Variants in RNF38 observed in about 807,000 individuals in gnomAD.
RNF38 encodes E3 ubiquitin-protein ligase RNF38.
RNF38 carries 15 observed loss-of-function variants against 67.2 expected under a neutral mutation model. That is an observed-to-expected ratio of 0.22 (90% CI 0.15 to 0.34). RNF38 has a LOEUF of 0.34. Ranked by LOEUF, RNF38 falls within the 10% of genes least tolerant of loss-of-function variation. The pLI is 1.00. For missense variants in RNF38, 524 were observed against 639.9 expected (o/e 0.82, Z 1.95); for synonymous variants, 220 against 218.8 (o/e 1.01, Z -0.05).
intron 1 of RNF38, among the ~76,000 whole-genome samples, chr9:36,450,570 A>G (rs1194471182): frequency 6.6e-6 from 1 of 152,160 alleles, no homozygotes; most frequent in Non-Finnish European, 1.5e-5. Context: ...AAAATATAGA[A>G]CTTGGTGAGT....
chr9:36,420,540 A>AAAAAAAAAAAAAAAAAAAAAAAAC (rs1838597433), intron 2 of RNF38, among the ~76,000 whole-genome samples: 1 of 150,106 alleles, frequency 6.7e-6, no homozygotes, highest in Non-Finnish European at 1.5e-5. Flanking sequence ...TCCAAAAAAA[A>AAAAAAAAAAAAAAAAAAAAAAAAC]AAAAAAAGAG....
At chr9:36,389,920 A>C (rs1445483864) in intron 2 of RNF38, among the ~76,000 whole-genome samples, 1 of 152,246 alleles carries the variant, frequency 6.6e-6, no homozygotes, top group African/African-American at 2.4e-5. Context: ...TTCTATGGGC[A>C]GATTCCAGTA....
chr9:36,403,688 G>C (rs760330416), upstream of RNF38, among the ~76,000 whole-genome samples: 1 of 152,188 alleles, frequency 6.6e-6, no homozygotes, highest in Non-Finnish European at 1.5e-5. Flanking sequence ...GGTTCTGGTA[G>C]TTATTCAATG....
intron 2 of RNF38, among the ~76,000 whole-genome samples, chr9:36,423,237 G>A (rs1039232438): frequency 3.9e-5 from 6 of 152,122 alleles, no homozygotes; most frequent in Non-Finnish European, 8.8e-5. Flanking sequence ...CATGTCTCTT[G>A]ATTGGTACAA....
chr9:36,397,657 A>G (rs988850753), intron 1 of RNF38, among the ~76,000 whole-genome samples: 2 of 152,208 alleles, frequency 1.3e-5, no homozygotes, highest in African/African-American at 4.8e-5. Flanking sequence ...ACAATCCCAT[A>G]AGGTGATGAA....
At position 36,445,275 on chromosome 9, in the gene RNF38, T is replaced by C. The variant is rs141898727; in HGVS notation, n.242-20592A>G. Among the ~76,000 whole-genome samples the C allele has an allele frequency of 2.9e-3, 439 of 152,288 alleles. 2 individuals carry two copies. Among genetic ancestry groups the C allele is most frequent in the African/African-American group, 9.2e-3 (382 of 41,564 alleles). ...ATCATGAAATGCTTTCTGGGAAAAT[T>C]TGAACGTAGCAGAGAAGTTGAACAT... On this transcript the variant is annotated intron_variant and non_coding_transcript_variant, in intron 1 of 3. Transcript: ENST00000488058.
Position 36,462,727 on chromosome 9 carries a change from A to T in RNF38, n.241+24581T>A, listed in dbSNP as rs566625807. Among the ~76,000 whole-genome samples the T allele has an allele frequency of 7.6e-4, 113 of 148,090 alleles. 2 individuals carry two copies. In the South Asian group the frequency reaches 0.023, roughly 30 times the overall value. On this transcript the variant is annotated intron_variant and non_coding_transcript_variant, in intron 1 of 3. Coordinates refer to the RNF38 transcript ENST00000488058. ...TCCTGCTCTGTCGCCCAGGCTGGAG[A>T]TCAGTGGCATGATCTCAGCTCACCA...
At chr9:36,402,433 C>G (rs142592306), upstream of RNF38, among the ~76,000 whole-genome samples, 1,020 of 151,408 alleles carry the variant, frequency 6.7e-3, 4 homozygotes, top group Non-Finnish European at 0.01. Flanking sequence ...GTATCCCTCA[C>G]AAATCGCAAT....
At chr9:36,404,663 T>C (rs1013941588), upstream of RNF38, among the ~76,000 whole-genome samples, 3 of 152,238 alleles carry the variant, frequency 2.0e-5, no homozygotes, top group African/African-American at 4.8e-5. Context: ...GGTTTGTTAA[T>C]ATAATTCAAT....
intron 4 of RNF38, among the ~76,000 whole-genome samples, chr9:36,363,944 C>A (rs1834746380): frequency 1.1e-5 from 1 of 89,232 alleles, no homozygotes; most frequent in Non-Finnish European, 2.9e-5. Context: ...AGCATTTCTC[C>A]TGCCTCAGAC....
intron 10 of RNF38, among the ~76,000 whole-genome samples, chr9:36,344,306 C>T (rs1000287714): frequency 5.9e-5 from 9 of 152,096 alleles, no homozygotes; most frequent in Admixed American, 3.3e-4. Flanking sequence ...TGAGCCACTG[C>T]GCCCGGCCTG....
intron 1 of RNF38, among the ~76,000 whole-genome samples, chr9:36,426,062 T>C (rs1161730033): frequency 6.6e-6 from 1 of 152,184 alleles, no homozygotes; most frequent in Non-Finnish European, 1.5e-5. Flanking sequence ...CTGAAGACTG[T>C]AAGTGAGGAT....
At chr9:36,345,400 G>GT (rs1304357003) in intron 9 of RNF38, among the ~76,000 whole-genome samples, 1 of 152,154 alleles carries the variant, frequency 6.6e-6, no homozygotes, top group Non-Finnish European at 1.5e-5. Flanking sequence ...AACAAAGTTA[G>GT]TAACTTTGAC....
intron 9 of RNF38, among the ~76,000 whole-genome samples, chr9:36,346,818 A>C (rs1833272514): frequency 6.6e-6 from 1 of 152,122 alleles, no homozygotes; most frequent in South Asian, 2.1e-4. Flanking sequence ...AAATGCTGGA[A>C]TAGAAAGTAA....
intron 9 of RNF38, among the ~76,000 whole-genome samples, chr9:36,346,658 A>C (rs960726013): frequency 1.3e-5 from 2 of 150,310 alleles, no homozygotes; most frequent in African/African-American, 4.9e-5. Context: ...AGATGAGAGA[A>C]ACAGAAATAA....
intron 1 of RNF38, among the ~76,000 whole-genome samples, chr9:36,447,708 G>T (rs1194536952): frequency 6.6e-6 from 1 of 152,130 alleles, no homozygotes; most frequent in African/African-American, 2.4e-5. Flanking sequence ...TAACAACTGA[G>T]TACCTACAGA....
chr9:36,432,853 A>G (rs979259590), intron 1 of RNF38, among the ~76,000 whole-genome samples: 2 of 152,198 alleles, frequency 1.3e-5, no homozygotes, highest in African/African-American at 4.8e-5. Flanking sequence ...CCAGTTACAT[A>G]TATGGTAAGC....
intron 11 of RNF38, among the ~76,000 whole-genome samples, chr9:36,340,230 T>A (rs1016106530): frequency 6.6e-6 from 1 of 152,150 alleles, no homozygotes; most frequent in African/African-American, 2.4e-5. Flanking sequence ...CCACCCACCA[T>A]GGCCTCCCAA....
Position 36,338,310 on chromosome 9 carries a change from TA to T in RNF38, c.*1441del, listed in dbSNP as rs1389847811. 2 of 152,244 alleles carry T rather than the reference TA, an allele frequency of 1.3e-5. No individual in the cohort carries two copies. The highest frequency in any genetic ancestry group is 6.5e-5 in the Admixed American group (1 of 15,288). The allele number at this position is 152,244 out of a possible 1,614,324, so 9.4% of individuals were successfully genotyped here. On this transcript the variant is annotated 3_prime_UTR_variant, in exon 12 of 12. Coordinates refer to ENST00000259605, the MANE Select transcript of RNF38 (RefSeq NM_022781.5). The stretch of plus-strand genomic sequence containing the variant: ...AAGGTCAACTCCTGTTTAACAGCAT[TA>T]TTTTTTTATACAAAAACCAAATCTT...
Sources: allele counts gnomAD v4.1 joint callset (sites outside exome capture counted in the v4.1 genomes callset), GRCh38; gene constraint gnomAD v4.1.1; transcripts MANE v1.5; gene names NCBI Gene and HGNC (gene_info 2026-07-23, HGNC 2026-07-21).